Variants in NCAPG observed in about 807,000 individuals in gnomAD.
NCAPG encodes condensin complex subunit 3.
Under a neutral mutation model 113.1 loss-of-function variants are expected in NCAPG, and 69 were observed. The observed-to-expected ratio is 0.61, with a 90% CI of 0.50 to 0.75. The LOEUF (loss-of-function observed/expected upper bound fraction) is 0.75. Ranked by LOEUF, NCAPG falls within the 30% of genes least tolerant of loss-of-function variation. NCAPG has a pLI of 0.00. For missense variants in NCAPG, 1,058 were observed against 1,177.0 expected, an observed-to-expected ratio of 0.90 and a Z score of 1.48; for synonymous variants, 370 against 415.8, an observed-to-expected ratio of 0.89 and a Z score of 1.34.
rs148277211 is a variant in NCAPG, at chr4:17,832,084, T to A, written c.1884+968T>A. ...ATGGCTGTAGTCCAGTAAAACTTTA[T>A]GGACACTGAAATTTGAATTTCATGT... On this transcript the variant is annotated intron_variant, in intron 13 of 20. Coordinates refer to ENST00000251496, the MANE Select transcript of NCAPG (RefSeq NM_022346.5). Among the ~76,000 whole-genome samples, 78 of 152,344 alleles carry A rather than the reference T, an allele frequency of 5.1e-4. No homozygotes were observed. In the East Asian group the frequency reaches 0.013, roughly 26 times the overall value.
At position 17,842,354 on chromosome 4, in the gene NCAPG, CAG is replaced by C; in HGVS notation, c.2901_2902del (p.Gln967HisfsTer3). The C allele has an allele frequency of 3.7e-6, 6 of 1,612,142 alleles. No individual in the cohort carries two copies. Among genetic ancestry groups the C allele is most frequent in the Non-Finnish European group, 5.1e-6 (6 of 1,178,510 alleles). ...TTCAGCTAGGACGAACAGGAGGTGT[CAG>C]ACTGCTGAAGCCGACTCTGAAAGGT... is the stretch of plus-strand genomic sequence containing the variant. ...TVSARTNRRC[Q>X]TAEADSESDH... is the part of the protein sequence containing the mutation. On this transcript the variant is annotated frameshift_variant, in exon 20 of 21. Transcript: ENST00000251496. LOFTEE classifies it high-confidence loss of function.
At chr4:17,841,435 A>G (rs754539359) in intron 19 of NCAPG, 14 of 151,968 alleles carry the variant, frequency 9.2e-5, no homozygotes, top group Non-Finnish European at 1.5e-4. Context: ...TTATTTAAAT[A>G]CCAATTGCTG....
chr4:17,837,639 A>G lies in NCAPG; in HGVS notation c.2304A>G (p.Glu768=), dbSNP rs983902974. Residue 768 remains glutamate, a synonymous_variant, in exon 16 of 21, where the codon GAA becomes GAG. Coordinates refer to ENST00000251496, the MANE Select transcript of NCAPG (RefSeq NM_022346.5). ...TGTTTCTCAATAGGACTAATCAGGA[A>G]TGCTTTGAAGAAGCTTTTCTTCCAA... is the stretch of plus-strand genomic sequence containing the variant. ...VFAYASRTNQ[E]CFEEAFLPTL... The G allele has an allele frequency of 6.2e-7, 1 of 1,613,398 alleles. No individual in the cohort carries two copies. The highest frequency in any genetic ancestry group is 8.5e-7 in the Non-Finnish European group (1 of 1,179,824).
At chr4:17,837,050 C>T (rs1279545982) in intron 14 of NCAPG, 109 bp from the exon 15 acceptor site, 8 of 876,836 alleles carry the variant, frequency 9.1e-6, no homozygotes, top group Admixed American at 6.2e-5. Flanking sequence ...TGTAATAACT[C>T]GAATGGTTTT....
At chr4:17,840,714 C>G (rs1722326930) in intron 19 of NCAPG, 21 bp downstream of exon 19, 2 of 1,410,602 alleles carry the variant, frequency 1.4e-6, no homozygotes, top group Non-Finnish European at 1.9e-6. Context: ...GATTGACCAT[C>G]TTTATGATAA....
intron 11 of NCAPG, among the ~76,000 whole-genome samples, chr4:17,826,083 C>T (rs1016029442): frequency 6.6e-5 from 10 of 151,984 alleles, no homozygotes; most frequent in Admixed American, 5.2e-4. Context: ...GCTTGCTTTT[C>T]AGTAGTTCGT....
chr4:17,814,810 T>A, intron 3 of NCAPG, 43 bp from the exon 4 acceptor site: 1 of 1,565,662 alleles, frequency 6.4e-7, no homozygotes, highest in South Asian at 1.1e-5. Flanking sequence ...TGTAGTTAAA[T>A]AAATAATTTC....
At chr4:17,834,163 GTGA>G in intron 13 of NCAPG, 133 bp from the exon 14 acceptor site, 1 of 515,222 alleles carries the variant, frequency 1.9e-6, no homozygotes, top group Non-Finnish European at 3.3e-6. Context: ...TTTTTGAAAA[GTGA>G]TGTTTTCTTT....
chr4:17,817,967 C>T lies in NCAPG; in HGVS notation c.997C>T (p.Pro333Ser), dbSNP rs1313660917. The change falls in exon 7 of 21, where the codon CCT (proline) becomes TCT (serine). Residue 333 changes from proline to serine, a missense_variant. Coordinates refer to ENST00000251496, the MANE Select transcript of NCAPG (RefSeq NM_022346.5). Reference protein sequence around the residue: ...RKLIPVETLTPEIALYWCALC... With the variant: ...RKLIPVETLTSEIALYWCALC... ...ATTGATTCCAGTGGAAACATTAACT[C>T]CTGAAATTGCTTTGTATTGGTGTGC... is the stretch of plus-strand genomic sequence containing the variant. 1 of 1,604,114 alleles carries T rather than the reference C, an allele frequency of 6.2e-7. No homozygotes were observed. The highest frequency in any genetic ancestry group is 1.7e-4 in the Middle Eastern group (1 of 5,998).
At chr4:17,836,319 T>C (rs1577209556) in intron 14 of NCAPG, among the ~76,000 whole-genome samples, 1 of 152,214 alleles carries the variant, frequency 6.6e-6, no homozygotes, top group South Asian at 2.1e-4. Context: ...TGGTTGTCTT[T>C]ATAGAGTTCT....
At position 17,834,521 on chromosome 4, in the gene NCAPG, G is replaced by A. The variant is rs775240842; in HGVS notation, c.2107G>A (p.Glu703Lys). ...ACTCCTTTCTGATTTCTTAGATAGT[G>A]AGGTAAGAAATAATCCAGTCCTGTG... is the stretch of plus-strand genomic sequence containing the variant. ...LKLLSDFLDS[E>K]VSELRTGAAE... Residue 703 changes from glutamate (E) to lysine (K), a missense_variant and splice_region_variant, in exon 14 of 21, where the codon GAG (glutamate) becomes AAG (lysine). Glu to Lys is a moderately conservative substitution (Grantham distance 56). Transcript: ENST00000251496. 4 of 1,570,114 alleles carry A rather than the reference G, an allele frequency of 2.5e-6. No individual in the cohort carries two copies. Among genetic ancestry groups the A allele is most frequent in the Non-Finnish European group, 2.6e-6 (3 of 1,154,562 alleles).
At position 17,825,019 on chromosome 4, in the gene NCAPG, A is replaced by T. The variant is rs376604108; in HGVS notation, c.1435A>T (p.Asn479Tyr). ...IRAPIVTVGV[N>Y]NDPADVRKKE... The stretch of plus-strand genomic sequence containing the variant: ...GGCGCCCATTGTTACTGTTGGTGTT[A>T]ATAACGATCCAGCTGATGTAAGAAA... Residue 479 changes from asparagine (N) to tyrosine (Y), a missense_variant, in exon 10 of 21, where the codon AAT becomes TAT. Transcript: ENST00000251496. The T allele has an allele frequency of 6.2e-6, 10 of 1,612,868 alleles. No individual in the cohort carries two copies. The South Asian group carries it at 1.1e-4, about 18-fold the overall frequency.
At chr4:17,825,735 G>A (rs1721635611) in intron 11 of NCAPG, among the ~76,000 whole-genome samples, 174 bp downstream of exon 11, 1 of 152,018 alleles carries the variant, frequency 6.6e-6, no homozygotes, top group Admixed American at 6.5e-5. Context: ...GACTTTGAAA[G>A]GCCTTAATTA....
chr4:17,837,100 T>G, intron 14 of NCAPG, 59 bp from the exon 15 acceptor site: 14 of 1,490,516 alleles, frequency 9.4e-6, no homozygotes, highest in Non-Finnish European at 1.3e-5. Flanking sequence ...CAGGCTACAT[T>G]GAGAGGCTTA....
intron 16 of NCAPG, 26 bp downstream of exon 16, chr4:17,837,827 A>G: frequency 6.2e-7 from 1 of 1,612,112 alleles, no homozygotes; most frequent in Non-Finnish European, 8.5e-7. Flanking sequence ...AACTGCATGC[A>G]GATCACTGTT....
intron 7 of NCAPG, among the ~76,000 whole-genome samples, chr4:17,818,475 G>C (rs1224683411): frequency 1.3e-5 from 2 of 152,186 alleles, no homozygotes; most frequent in Admixed American, 1.3e-4. Flanking sequence ...TATTGTAAAA[G>C]CAGCCAAAGA....
chr4:17,840,913 T>TGAAA (rs1722342564), intron 19 of NCAPG, among the ~76,000 whole-genome samples: 1 of 151,990 alleles, frequency 6.6e-6, no homozygotes, highest in Non-Finnish European at 1.5e-5. Context: ...TGCTTTAGAT[T>TGAAA]GAAAGAAGTA....
chr4:17,844,290 G>A lies in NCAPG; in HGVS notation c.*865G>A, dbSNP rs919946828. ...CTGACTTACGAAACTTGTACTATAT[G>A]AAATTGGTCCTCTTTTCTGCAATAC... On this transcript the variant is annotated 3_prime_UTR_variant, in exon 21 of 21. Coordinates refer to ENST00000251496, the MANE Select transcript of NCAPG (RefSeq NM_022346.5). 2.6e-5 allele frequency: 4 copies of A among 152,292 alleles called. No individual in the cohort carries two copies. The highest frequency in any genetic ancestry group is 7.2e-5 in the African/African-American group (3 of 41,412). The allele number at this position is 152,292 out of a possible 1,614,324, so 9.4% of individuals were successfully genotyped here.
chr4:17,816,037 G>C (rs192954707), intron 5 of NCAPG, among the ~76,000 whole-genome samples: 1 of 151,620 alleles, frequency 6.6e-6, no homozygotes, highest in Non-Finnish European at 1.5e-5. Context: ...CAACAAATAG[G>C]AATGGTCAGA....
Sources: allele counts gnomAD v4.1 joint callset (sites outside exome capture counted in the v4.1 genomes callset), GRCh38; gene constraint gnomAD v4.1.1; transcripts MANE v1.5; gene names NCBI Gene and HGNC (gene_info 2026-07-23, HGNC 2026-07-21).